Variants in RPL14 observed in about 807,000 individuals in gnomAD.
The protein encoded by RPL14 is large ribosomal subunit protein eL14.
RPL14 carries 4 observed loss-of-function variants against 25.3 expected under a neutral mutation model. That is an observed-to-expected ratio of 0.16 (90% CI 0.08 to 0.36). The LOEUF is 0.36. RPL14 is among the 10% of genes least tolerant of loss of function. RPL14 has a pLI of 1.00. For missense variants in RPL14, 212 were observed against 261.9 expected (o/e 0.81, Z 1.31); for synonymous variants, 75 against 89.8 (o/e 0.84, Z 0.93).
rs1195004692 is a variant in RPL14, at chr3:40,464,363, G to T, written c.*2131G>T. 4.7e-6 allele frequency: 2 copies of T among 426,740 alleles called. No homozygotes were observed. Among genetic ancestry groups the T allele is most frequent in the Admixed American group, 2.5e-5 (1 of 40,036 alleles). 26.4% of individuals were successfully genotyped at this position (426,740 alleles called of 1,614,324 possible). On this transcript the variant is annotated 3_prime_UTR_variant, in exon 6 of 6. Coordinates refer to ENST00000396203, the MANE Select transcript of RPL14 (RefSeq NM_001034996.3). ...TGATTTGCTTGATAATAGGCAAGTG[G>T]TATGGTGTAATAAGGAAAATATGGA...
rs1696946714 is a variant in RPL14 at position 40,462,029 on chromosome 3, A to ACTGCTGCTGCTACTGCTGCTG, written c.456_457insACTGCTGCTGCTGCTGCTGCT (p.Ala152_Ala153insThrAlaAlaAlaAlaAlaAla). On this transcript the variant is annotated inframe_insertion, in exon 6 of 6. Transcript: ENST00000396203. Reference sequence around the variant, plus strand: ...CAAAAAAGCACCTGGTACTAAGGGTACTGCTGCTGCTGCTGCTGCTGCTGC... The same window carrying ACTGCTGCTGCTACTGCTGCTG: ...CAAAAAAGCACCTGGTACTAAGGGTACTGCTGCTGCTACTGCTGCTGCTGCTGCTGCTGCTGCTGCTGCTGC... The ACTGCTGCTGCTACTGCTGCTG allele has an allele frequency of 7.3e-7, 1 of 1,369,180 alleles. No individual in the cohort carries two copies. Among genetic ancestry groups the ACTGCTGCTGCTACTGCTGCTG allele is most frequent in the East Asian group, 2.6e-5 (1 of 38,050 alleles). 84.8% of individuals were successfully genotyped at this position (1,369,180 alleles called of 1,614,324 possible). A position where few individuals can be genotyped will look rare whatever the true frequency, so the allele number is the denominator to read the frequency against.
chr3:40,458,899 C>A (rs946185606), intron 3 of RPL14, 163 bp downstream of exon 3: 1 of 623,810 alleles, frequency 1.6e-6, no homozygotes. Context: ...GTCTTGCCTG[C>A]GCGTGATAGC....
rs1304204254 is a variant in RPL14, at chr3:40,465,560, C to A, written c.*3328C>A. 1 of 152,166 alleles carries A rather than the reference C, an allele frequency of 6.6e-6. No individual in the cohort carries two copies. 9.4% of individuals were successfully genotyped at this position (152,166 alleles called of 1,614,324 possible). On this transcript the variant is annotated 3_prime_UTR_variant, in exon 6 of 6. Coordinates refer to ENST00000396203, the MANE Select transcript of RPL14 (RefSeq NM_001034996.3). ...CTTTTCACCTTTATCTCTGAAATTT[C>A]TCTGGAGTTAGCAAGGCAAGGTCAT...
In RPL14 at chr3:40,457,434, G is replaced by C; in HGVS notation, c.-38G>C. The C allele has an allele frequency of 1.9e-6, 3 of 1,585,960 alleles. No individual in the cohort carries two copies. Among genetic ancestry groups the C allele is most frequent in the Non-Finnish European group, 2.6e-6 (3 of 1,165,866 alleles). ...CGACCTCCACCTCCGCTGGGAAGCT[G>C]AGGCGCCAAACGGCTCCCAGAGGGT... is the stretch of plus-strand genomic sequence containing the variant. On this transcript the variant is annotated 5_prime_UTR_variant, in exon 1 of 6. The change abolishes the stop of an existing upstream ORF in the 5' untranslated region. Transcript: ENST00000396203.
At chr3:40,457,514 C>G (rs1575249341) in intron 1 of RPL14, 40 bp downstream of exon 1, 1 of 1,460,892 alleles carries the variant, frequency 6.8e-7, no homozygotes, top group Non-Finnish European at 9.3e-7. Context: ...GAATCGGGCC[C>G]TTCCCGGACT....
At chr3:40,457,597 G>A in intron 1 of RPL14, 123 bp downstream of exon 1, 1 of 795,182 alleles carries the variant, frequency 1.3e-6, no homozygotes, top group Non-Finnish European at 2.0e-6. Flanking sequence ...TGGGCCACGC[G>A]TGCGCGCCTC....
chr3:40,457,627 C>G (rs913056070), intron 1 of RPL14, 153 bp downstream of exon 1: 1 of 694,032 alleles, frequency 1.4e-6, no homozygotes, highest in African/African-American at 1.8e-5. Flanking sequence ...AGCTGGATGG[C>G]TGATGCGGCT....
intron 3 of RPL14, 146 bp from the exon 4 acceptor site, chr3:40,461,261 C>G: frequency 1.5e-6 from 1 of 645,454 alleles, no homozygotes; most frequent in Non-Finnish European, 2.8e-6. Flanking sequence ...CCTATTCTGG[C>G]TTACTGAACA....
intron 3 of RPL14, among the ~76,000 whole-genome samples, chr3:40,460,780 C>T (rs766711616): frequency 6.6e-6 from 1 of 152,114 alleles, no homozygotes; most frequent in African/African-American, 2.4e-5. Context: ...TGGGGTTTCA[C>T]TATGTTGGCC....
At chr3:40,457,860 G>C in intron 1 of RPL14, 30 bp from the exon 2 acceptor site, 1 of 1,590,612 alleles carries the variant, frequency 6.3e-7, no homozygotes, top group South Asian at 1.1e-5. Context: ...TTCTAAGTAA[G>C]TTTCACTGTC....
At chr3:40,461,760 C>T (rs1440429383) in intron 5 of RPL14, 99 bp downstream of exon 5, 4 of 1,354,238 alleles carry the variant, frequency 3.0e-6, no homozygotes, top group South Asian at 2.7e-5. Context: ...TGGAAGCTTT[C>T]TGTAAAAAAG....
intron 1 of RPL14, 79 bp from the exon 2 acceptor site, chr3:40,457,811 T>G: frequency 2.3e-6 from 3 of 1,325,718 alleles, no homozygotes; most frequent in Non-Finnish European, 3.3e-6. Flanking sequence ...TTTAACCATG[T>G]TGTCTTTAGC....
rs1317183383 is a variant in RPL14 at position 40,467,121 on chromosome 3, T to C, written c.*4889T>C. On this transcript the variant is annotated 3_prime_UTR_variant, in exon 6 of 6. Coordinates refer to ENST00000396203, the MANE Select transcript of RPL14 (RefSeq NM_001034996.3). Reference sequence around the variant, plus strand: ...GACATTTTTTAATGTGTTTGTAATATAGGTACATAAAAATATATGTGCTTG... The same window carrying C: ...GACATTTTTTAATGTGTTTGTAATACAGGTACATAAAAATATATGTGCTTG... 9.8e-5 allele frequency: 15 copies of C among 152,340 alleles called. No individual in the cohort carries two copies. The East Asian group carries it at 2.5e-3, about 25-fold the overall frequency. The allele number at this position is 152,340 out of a possible 1,614,324, so 9.4% of individuals were successfully genotyped here.
chr3:40,464,831 G>A lies in RPL14; in HGVS notation c.*2599G>A. 1 of 213,738 alleles carries A rather than the reference G, an allele frequency of 4.7e-6. No homozygotes were observed. Among genetic ancestry groups the A allele is most frequent in the Non-Finnish European group, 9.8e-6 (1 of 102,458 alleles). 13.2% of individuals were successfully genotyped at this position (213,738 alleles called of 1,614,324 possible). A position where few individuals can be genotyped will look rare whatever the true frequency, so the allele number is the denominator to read the frequency against. ...GGTTTGTACCTCTGGTTCATTGGTT[G>A]TGAGGGAACATGAGGCAGGGTAAAG... On this transcript the variant is annotated 3_prime_UTR_variant, in exon 6 of 6. Transcript: ENST00000396203.
rs1696937001 is a variant in RPL14, at chr3:40,461,545, T to C, written c.300+39T>C. The C allele has an allele frequency of 1.1e-5, 17 of 1,611,148 alleles. No homozygotes were observed. In the East Asian group the frequency reaches 3.6e-4, roughly 34 times the overall value. On this transcript the variant is annotated intron_variant, in intron 4 of 5. Coordinates refer to ENST00000396203, the MANE Select transcript of RPL14 (RefSeq NM_001034996.3). ...GTCATTTGAATTCTGGTCCTTTCTT[T>C]TTTTGGAGGGTTCAAGATAGTGTGA...
chr3:40,464,571 C>A lies in RPL14; in HGVS notation c.*2339C>A. 4.4e-6 allele frequency: 2 copies of A among 451,602 alleles called. No individual in the cohort carries two copies. The highest frequency in any genetic ancestry group is 3.1e-5 in the South Asian group (2 of 64,160). 28.0% of individuals were successfully genotyped at this position (451,602 alleles called of 1,614,324 possible). A position where few individuals can be genotyped will look rare whatever the true frequency, so the allele number is the denominator to read the frequency against. Reference sequence around the variant, plus strand: ...CAAGGAAGTAGGTTAGTGGTTAGATCGTGTAGGGGAACACGGGAAGCTACT... The same window carrying A: ...CAAGGAAGTAGGTTAGTGGTTAGATAGTGTAGGGGAACACGGGAAGCTACT... On this transcript the variant is annotated 3_prime_UTR_variant, in exon 6 of 6. Transcript: ENST00000396203.
rs1374936955 is a variant in RPL14, at chr3:40,458,626, G to C, written c.106-16G>C. 1 of 1,610,666 alleles carries C rather than the reference G, an allele frequency of 6.2e-7. No individual in the cohort carries two copies. Among genetic ancestry groups the C allele is most frequent in the Non-Finnish European group, 8.5e-7 (1 of 1,176,988 alleles). ...TGTTAGATTTTGCACTGAAGTTCTT[G>C]ATGTTTGTGTTCTAGGCTTTGGTCG... On this transcript the variant is annotated splice_polypyrimidine_tract_variant and intron_variant, in intron 2 of 5. Coordinates refer to ENST00000396203, the MANE Select transcript of RPL14 (RefSeq NM_001034996.3).
intron 3 of RPL14, among the ~76,000 whole-genome samples, chr3:40,459,649 A>T (rs1337444453): frequency 2.0e-5 from 3 of 151,974 alleles, no homozygotes; most frequent in East Asian, 1.9e-4. Context: ...AGGTCAGGAG[A>T]TGGAGACCGT....
In RPL14 at chr3:40,467,285, A is replaced by G. The variant is rs1697041368; in HGVS notation, c.*5053A>G. On this transcript the variant is annotated 3_prime_UTR_variant, in exon 6 of 6. Transcript: ENST00000396203. ...TGGACTCAAGAGATTGTGGAAACCA[A>G]GAAGTCCCACAAAATACCATCTGCA... The G allele has an allele frequency of 6.6e-6, 1 of 152,204 alleles. No individual in the cohort carries two copies. Among genetic ancestry groups the G allele is most frequent in the Non-Finnish European group, 1.5e-5 (1 of 68,046 alleles). 9.4% of individuals were successfully genotyped at this position (152,204 alleles called of 1,614,324 possible).
Sources: allele counts gnomAD v4.1 joint callset (sites outside exome capture counted in the v4.1 genomes callset), GRCh38; gene constraint gnomAD v4.1.1; transcripts MANE v1.5; gene names NCBI Gene and HGNC (gene_info 2026-07-23, HGNC 2026-07-21).